LASP1: variants seen among roughly 807,000 people sequenced by gnomAD.
LASP1 encodes LIM and SH3 domain protein 1.
Under a neutral mutation model 38.6 loss-of-function variants are expected in LASP1, and 10 were observed. The observed-to-expected ratio is 0.26, with a 90% CI of 0.16 to 0.44. The LOEUF (loss-of-function observed/expected upper bound fraction) is 0.44. Among genes scored for constraint, LASP1 ranks in the 20% least tolerant of loss-of-function variants. The pLI, the probability that LASP1 is intolerant of heterozygous loss-of-function variation, is 1.00. For missense variants in LASP1, 243 were observed against 375.7 expected (o/e 0.65, Z 2.92); for synonymous variants, 132 against 140.8 (o/e 0.94, Z 0.44).
intron 4 of LASP1, among the ~76,000 whole-genome samples, chr17:38,912,305 G>A (rs1157694623): frequency 6.6e-6 from 1 of 152,244 alleles, no homozygotes; most frequent in Admixed American, 6.5e-5. Context: ...TGGGCCTTAC[G>A]CCGCATGGAG....
intron 6 of LASP1, chr17:38,915,827 T>G (rs983609502): frequency 6.6e-6 from 1 of 152,228 alleles, no homozygotes; most frequent in African/African-American, 2.4e-5. Context: ...TGGGTGCCGC[T>G]GAGCCACCCT....
chr17:38,901,144 C>T (rs182445621), intron 4 of LASP1, among the ~76,000 whole-genome samples: 1 of 152,324 alleles, frequency 6.6e-6, no homozygotes, highest in Admixed American at 6.5e-5. Context: ...ATTGCTTCAC[C>T]CTGTGGGTTT....
intron 4 of LASP1, among the ~76,000 whole-genome samples, chr17:38,900,862 CTT>C (rs1052651139): frequency 6.6e-6 from 1 of 152,190 alleles, no homozygotes; most frequent in South Asian, 2.1e-4. Flanking sequence ...ACAGTTGACT[CTT>C]TATATGCTAG....
intron 2 of LASP1, among the ~76,000 whole-genome samples, chr17:38,879,062 G>A (rs1654444060): frequency 6.6e-6 from 1 of 151,828 alleles, no homozygotes; most frequent in Non-Finnish European, 1.5e-5. Flanking sequence ...ACTCAGTGTT[G>A]GGGCCTCACA....
rs558096579 is a variant in LASP1 at position 38,871,406 on chromosome 17, G to T, written c.69+1148G>T. On this transcript the variant is annotated intron_variant, in intron 1 of 6. Coordinates refer to ENST00000318008, the MANE Select transcript of LASP1 (RefSeq NM_006148.4). ...GTGATTTTGTGCCCTTCCTCACCGC[G>T]TCTTTCATCCACCACCCAAAGCTGG... is the stretch of plus-strand genomic sequence containing the variant. 3.3e-5 allele frequency among the ~76,000 whole-genome samples: 5 copies of T among 152,086 alleles called. No individual in the cohort carries two copies. In the East Asian group the frequency reaches 9.7e-4, roughly 29 times the overall value.
rs1915286436 is a variant in LASP1 at position 38,921,097 on chromosome 17, T to C, written c.*2319T>C. 4.3e-6 allele frequency: 1 copy of C among 229,958 alleles called. No homozygotes were observed. The highest frequency in any genetic ancestry group is 2.2e-5 in the African/African-American group (1 of 45,106). The allele number at this position is 229,958 out of a possible 1,614,324, so 14.2% of individuals were successfully genotyped here. On this transcript the variant is annotated 3_prime_UTR_variant, in exon 7 of 7. Transcript: ENST00000318008. ...ACACACCCCCAGAGAGAGGAGGGAC[T>C]GTCACACTGGTGCTGAGTGACCGGG... is the stretch of plus-strand genomic sequence containing the variant.
chr17:38,900,389 A>AAAAAAAAAAAAAAG (rs1914609427), intron 4 of LASP1, among the ~76,000 whole-genome samples: 3 of 150,502 alleles, frequency 2.0e-5, no homozygotes, highest in Admixed American at 6.6e-5. Flanking sequence ...CCAAAAAAAA[A>AAAAAAAAAAAAAAG]AAGGACCAGG....
In LASP1 at chr17:38,894,097, C is replaced by T. The variant is rs560970264; in HGVS notation, c.249+3593C>T. Among the ~76,000 whole-genome samples, 174 of 152,232 alleles carry T rather than the reference C, an allele frequency of 1.1e-3. 1 individual carries two copies. Among genetic ancestry groups the T allele is most frequent in the African/African-American group, 3.4e-3 (143 of 41,526 alleles). Reference sequence around the variant, plus strand: ...CAGAACTGTCCAGAAATGACCCTCTCGGTGGTCCTGCCCAGGCCTGGCTGA... The same window carrying T: ...CAGAACTGTCCAGAAATGACCCTCTTGGTGGTCCTGCCCAGGCCTGGCTGA... On this transcript the variant is annotated intron_variant, in intron 3 of 6. Transcript: ENST00000318008.
chr17:38,909,500 A>C (rs1174349136), intron 4 of LASP1, among the ~76,000 whole-genome samples: 1 of 152,008 alleles, frequency 6.6e-6, no homozygotes, highest in African/African-American at 2.4e-5. Context: ...CCAGCTACTC[A>C]GGAGGCTGAG....
At chr17:38,897,132 A>C in intron 3 of LASP1, 1 of 943,322 alleles carries the variant, frequency 1.1e-6, no homozygotes, top group African/African-American at 1.8e-5. Flanking sequence ...CTTCTGAACT[A>C]ATGGGGAACA....
At chr17:38,903,704 A>G (rs1277736730) in intron 4 of LASP1, 1 of 152,218 alleles carries the variant, frequency 6.6e-6, no homozygotes, top group African/African-American at 2.4e-5. Flanking sequence ...TGTCAATGTT[A>G]TCAATACTTT....
rs9894872 is a variant in LASP1 at position 38,871,867 on chromosome 17, C to T, written c.69+1609C>T. On this transcript the variant is annotated intron_variant, in intron 1 of 6. Coordinates refer to ENST00000318008, the MANE Select transcript of LASP1 (RefSeq NM_006148.4). ...CCATGCCAGCCGCTGTTGGGCAGGA[C>T]TTGAGCTTAGAGCTATCAGATAATG... Among the ~76,000 whole-genome samples, 938 of 152,174 alleles carry T rather than the reference C, an allele frequency of 6.2e-3. 9 individuals carry two copies. The highest frequency in any genetic ancestry group is 0.021 in the African/African-American group (880 of 41,504).
At chr17:38,897,432 G>A (rs955821887) in intron 3 of LASP1, among the ~76,000 whole-genome samples, 3 of 152,244 alleles carry the variant, frequency 2.0e-5, no homozygotes, top group African/African-American at 7.2e-5. Flanking sequence ...CAAGCAGCTG[G>A]TGGGGTCTGG....
chr17:38,917,670 G>A lies in LASP1; in HGVS notation c.613-935G>A, dbSNP rs543648401. The stretch of plus-strand genomic sequence containing the variant: ...AATCATACAAATAATAGCATACAGG[G>A]CATGTTTTTTCTGTTTTTTTTTTCT... On this transcript the variant is annotated intron_variant, in intron 6 of 6. Transcript: ENST00000318008. 1.1e-4 allele frequency among the ~76,000 whole-genome samples: 16 copies of A among 152,026 alleles called. No homozygotes were observed. The South Asian group carries it at 2.7e-3, about 26-fold the overall frequency.
At chr17:38,902,642 G>T (rs1316305620) in intron 4 of LASP1, among the ~76,000 whole-genome samples, 2 of 152,076 alleles carry the variant, frequency 1.3e-5, no homozygotes, top group African/African-American at 4.8e-5. Context: ...GTAGCTTGTT[G>T]CTTTGCTTCC....
chr17:38,889,516 C>T lies in LASP1; in HGVS notation c.165-904C>T, dbSNP rs147987990. ...CTCCAAGATGCAAAGCTTTGAGTGC[C>T]GACGTGATGCCACAAGGGAAAATTC... On this transcript the variant is annotated intron_variant, in intron 2 of 6. Transcript: ENST00000318008. 3.4e-3 allele frequency among the ~76,000 whole-genome samples: 516 copies of T among 152,164 alleles called. 4 individuals are homozygous for T. The highest frequency in any genetic ancestry group is 0.012 in the African/African-American group (498 of 41,484).
At chr17:38,883,513 G>A (rs1914011538) in intron 2 of LASP1, among the ~76,000 whole-genome samples, 1 of 152,156 alleles carries the variant, frequency 6.6e-6, no homozygotes, top group Non-Finnish European at 1.5e-5. Flanking sequence ...ATGACAGTGT[G>A]GGGGAGGGCA....
chr17:38,904,630 G>T (rs951820091), intron 4 of LASP1: 2 of 151,950 alleles, frequency 1.3e-5, no homozygotes, highest in Non-Finnish European at 2.9e-5. Flanking sequence ...GAGAGTACTG[G>T]ATACATTTAG....
chr17:38,892,687 G>T (rs1343569757), intron 3 of LASP1, among the ~76,000 whole-genome samples: 1 of 152,234 alleles, frequency 6.6e-6, no homozygotes, highest in Non-Finnish European at 1.5e-5. Context: ...TCCCCGAGGG[G>T]TGGGGTTTGA....
Sources: gnomAD v4.1 joint callset for allele counts (sites outside exome capture counted in the v4.1 genomes callset) on GRCh38, gnomAD v4.1.1 for gene constraint, MANE v1.5 for transcripts, NCBI Gene and HGNC (gene_info 2026-07-23, HGNC 2026-07-21) for gene names.